TSR1: variants seen among roughly 807,000 people sequenced by gnomAD.
The protein encoded by TSR1 is pre-rRNA-processing protein TSR1 homolog.
A neutral mutation model predicts 90.9 loss-of-function variants in TSR1; 81 were observed. That is an observed-to-expected ratio of 0.89 (90% CI 0.74 to 1.07). The LOEUF (loss-of-function observed/expected upper bound fraction) is 1.07. Ranked by LOEUF, TSR1 falls within the 50% of genes least tolerant of loss-of-function variation. The pLI is 0.00. For synonymous variants in TSR1, 362 were observed against 348.8 expected (o/e 1.04, Z -0.42); for missense variants, 989 against 987.3 (o/e 1.00, Z -0.02).
rs754742448 is a variant in TSR1, at chr17:2,334,538, G to A, written c.915C>T (p.Pro305=). The change falls in exon 5 of 15, where the codon CCC becomes CCT. Residue 305 remains proline, a synonymous_variant. Coordinates refer to ENST00000301364, the MANE Select transcript of TSR1 (RefSeq NM_018128.5). ...TAGGATTTAAAGGGAAAGGGTCTCC[G>A]GGGGCATCTATCTGTTTCATCTGGA... ...GDFQMKQIDA[P]GDPFPLNPRG... 3.4e-5 allele frequency: 55 copies of A among 1,614,028 alleles called. No homozygotes were observed. The highest frequency in any genetic ancestry group is 3.3e-4 in the Middle Eastern group (2 of 6,062).
At position 2,324,822 on chromosome 17, in the gene TSR1, G is replaced by A. The variant is rs2075565470; in HGVS notation, c.2028C>T (p.His676=). ...LLFKQKSNGM[H]SLIATGHLMS... ...TAAGATGGCCTGTAGCAATGAGGCT[G>A]TGCATTCCTAAAGGACAAAAGCAAA... Residue 676 remains histidine, a synonymous_variant, in exon 13 of 15, where the codon CAC becomes CAT. Coordinates refer to ENST00000301364, the MANE Select transcript of TSR1 (RefSeq NM_018128.5). 1 of 1,610,194 alleles carries A rather than the reference G, an allele frequency of 6.2e-7. No individual in the cohort carries two copies. The highest frequency in any genetic ancestry group is 2.2e-5 in the East Asian group (1 of 44,872).
rs759302264 is a variant in TSR1 at position 2,324,736 on chromosome 17, T to C, written c.2114A>G (p.Lys705Arg). The stretch of plus-strand genomic sequence containing the variant: ...TACTACTGCCATCTTAGTAAAAATT[T>C]TGAAAGGATGACCACTCAGAACAAC... ...KRVVLSGHPFKIFTKMAVVRY... is the reference protein window; with the variant it reads ...KRVVLSGHPFRIFTKMAVVRY... Residue 705 changes from lysine (K) to arginine (R), a missense_variant, in exon 13 of 15, where the codon AAA becomes AGA. Physicochemically the swap from Lys to Arg is conservative, Grantham distance 26 (BLOSUM62 2). Transcript: ENST00000301364. 10 of 1,614,112 alleles carry C rather than the reference T, an allele frequency of 6.2e-6. No individual in the cohort carries two copies. The South Asian group carries it at 1.1e-4, about 18-fold the overall frequency.
At position 2,333,388 on chromosome 17, in the gene TSR1, G is replaced by A. The variant is rs1243869221; in HGVS notation, c.1141+169C>T. 3.2e-6 allele frequency: 3 copies of A among 931,460 alleles called. No homozygotes were observed. In the African/African-American group the frequency reaches 4.9e-5, roughly 15 times the overall value. The allele number at this position is 931,460 out of a possible 1,614,324, so 57.7% of individuals were successfully genotyped here. A position where few individuals can be genotyped will look rare whatever the true frequency, so the allele number is the denominator to read the frequency against. ...CAAGTAATTTTGAGAAATGGAACAA[G>A]ACTGTGTATAATGTTTGTTTATTGA... On this transcript the variant is annotated intron_variant, in intron 6 of 14. Coordinates refer to ENST00000301364, the MANE Select transcript of TSR1 (RefSeq NM_018128.5).
chr17:2,334,595 A>G lies in TSR1; in HGVS notation c.858T>C (p.Asn286=), dbSNP rs772552554. The G allele has an allele frequency of 1.2e-6, 2 of 1,614,138 alleles. No individual in the cohort carries two copies. The highest frequency in any genetic ancestry group is 3.3e-5 in the Admixed American group (2 of 60,022). The change falls in exon 5 of 15, where the codon AAT becomes AAC. Residue 286 remains asparagine (N), a synonymous_variant. Transcript: ENST00000301364. The part of the protein sequence containing the change: ...GYVRGQTLNV[N]RLLHIVGYGD... ...CATATCCAACGATATGCAGCAACCT[A>G]TTGACATTCAGAGTCTGCCCTCGAA...
chr17:2,332,302 GCA>G lies in TSR1; in HGVS notation c.1361_1362del (p.Val454AlafsTer2), dbSNP rs754056966. The G allele has an allele frequency of 1.1e-5, 18 of 1,613,194 alleles. No individual in the cohort carries two copies. The highest frequency in any genetic ancestry group is 2.2e-5 in the East Asian group (1 of 44,876). ...EYETMTIGES[V>X]HDDLYDKKVD... ...ACTTTCTTATCATACAGATCATCAT[GCA>G]CAGACTCCCCAATAGTCATAGTTTC... On this transcript the variant is annotated frameshift_variant, in exon 8 of 15. Coordinates refer to ENST00000301364, the MANE Select transcript of TSR1 (RefSeq NM_018128.5). LOFTEE classifies it high-confidence loss of function.
chr17:2,331,259 A>G lies in TSR1; in HGVS notation c.1497-150T>C, dbSNP rs1362751808. ...ACCCAACAGCTTAAACCAAGACGAC[A>G]CTCCGAACAGCTTATAACAAGTTCT... On this transcript the variant is annotated intron_variant, in intron 8 of 14. Transcript: ENST00000301364. 8.2e-6 allele frequency: 5 copies of G among 606,250 alleles called. No homozygotes were observed. The Admixed American group carries it at 1.8e-4, about 22-fold the overall frequency. 37.6% of individuals were successfully genotyped at this position (606,250 alleles called of 1,614,324 possible). A position where few individuals can be genotyped will look rare whatever the true frequency, so the allele number is the denominator to read the frequency against.
In TSR1 at chr17:2,323,286, T is replaced by TG. The variant is rs775126066; in HGVS notation, c.*909dup. Reference sequence around the variant, plus strand: ...CAAATCCAGCATTGGCTTGAACACCTGGCCTATTATCAGGGACCTTGTGGA... The same window carrying TG: ...CAAATCCAGCATTGGCTTGAACACCTGGGCCTATTATCAGGGACCTTGTGGA... On this transcript the variant is annotated 3_prime_UTR_variant, in exon 15 of 15. Coordinates refer to ENST00000301364, the MANE Select transcript of TSR1 (RefSeq NM_018128.5). 6.2e-7 allele frequency: 1 copy of TG among 1,614,152 alleles called. No individual in the cohort carries two copies. Among genetic ancestry groups the TG allele is most frequent in the South Asian group, 1.1e-5 (1 of 91,082 alleles).
chr17:2,332,401 CT>C, intron 7 of TSR1, 42 bp from the exon 8 acceptor site: 2 of 1,516,924 alleles, frequency 1.3e-6, no homozygotes, highest in Non-Finnish European at 1.8e-6. Flanking sequence ...AAATCCACAC[CT>C]GTCTCTACCC....
chr17:2,336,308 T>C (rs1194180657), intron 1 of TSR1, 23 bp downstream of exon 1: 1 of 1,614,082 alleles, frequency 6.2e-7, no homozygotes, highest in South Asian at 1.1e-5. Context: ...ATAGCCCTTA[T>C]TCCTTCTACG....
chr17:2,330,801 T>C lies in TSR1; in HGVS notation c.1659+146A>G, dbSNP rs571018960. 2.0e-4 allele frequency: 199 copies of C among 1,010,756 alleles called. 2 individuals are homozygous for C. The South Asian group carries it at 2.6e-3, about 13-fold the overall frequency. The allele number at this position is 1,010,756 out of a possible 1,614,324, so 62.6% of individuals were successfully genotyped here. Reference sequence around the variant, plus strand: ...TTTCATTTAACATAGCTGATACCTCTTTGTTCCCAGTATCATTCTAATCAA... The same window carrying C: ...TTTCATTTAACATAGCTGATACCTCCTTGTTCCCAGTATCATTCTAATCAA... On this transcript the variant is annotated intron_variant, in intron 9 of 14. Coordinates refer to ENST00000301364, the MANE Select transcript of TSR1 (RefSeq NM_018128.5).
chr17:2,336,022 TC>T lies in TSR1; in HGVS notation c.201+14del. On this transcript the variant is annotated intron_variant, in intron 2 of 14. Transcript: ENST00000301364. The stretch of plus-strand genomic sequence containing the variant: ...ACCAGAGAAGCCGCATTCTCCCAAA[TC>T]CCGCTCCTCTCACCGCCTCCTTCTT... 1 of 1,613,812 alleles carries T rather than the reference TC, an allele frequency of 6.2e-7. No homozygotes were observed. The highest frequency in any genetic ancestry group is 8.5e-7 in the Non-Finnish European group (1 of 1,179,754).
At chr17:2,335,151 G>T (rs2151442228) in intron 4 of TSR1, 109 bp downstream of exon 4, 1 of 1,272,864 alleles carries the variant, frequency 7.9e-7, no homozygotes, top group Non-Finnish European at 1.1e-6. Context: ...ATCCATATGT[G>T]TACATCCCAC....
chr17:2,331,394 G>T (rs1436923473), intron 8 of TSR1, among the ~76,000 whole-genome samples: 2 of 152,206 alleles, frequency 1.3e-5, no homozygotes, highest in Non-Finnish European at 2.9e-5. Flanking sequence ...ACAATCCCCA[G>T]TGTTGGAGGT....
At chr17:2,331,551 G>A (rs567176802) in intron 8 of TSR1, among the ~76,000 whole-genome samples, 2 of 152,182 alleles carry the variant, frequency 1.3e-5, no homozygotes, top group East Asian at 1.9e-4. Context: ...TGCGCTGGCC[G>A]TGTGACATGA....
rs1402038850 is a variant in TSR1, at chr17:2,329,624, G to C, written c.1771-149C>G. On this transcript the variant is annotated intron_variant, in intron 10 of 14. Coordinates refer to ENST00000301364, the MANE Select transcript of TSR1 (RefSeq NM_018128.5). ...GGTGGAGTGTAGATGCTGAAACACG[G>C]GTTCATCCTTTACCTCCACCAATGA... 3.1e-6 allele frequency: 3 copies of C among 979,554 alleles called. No individual in the cohort carries two copies. In the African/African-American group the frequency reaches 5.0e-5, roughly 16 times the overall value. 60.7% of individuals were successfully genotyped at this position (979,554 alleles called of 1,614,324 possible).
At position 2,333,036 on chromosome 17, in the gene TSR1, G is replaced by A. The variant is rs773007974; in HGVS notation, c.1230C>T (p.Ser410=). ...ATTCATCTCCTTCCCCACCACTTTG[G>A]CTGCCACCATCCAAAATCCATTCAG... The part of the protein sequence containing the change: ...YQAEWILDGG[S]QSGGEGDEYE... The change falls in exon 7 of 15, where the codon AGC becomes AGT. Residue 410 remains serine, a synonymous_variant. Transcript: ENST00000301364. 5.6e-6 allele frequency: 9 copies of A among 1,613,888 alleles called. No homozygotes were observed. The South Asian group carries it at 8.8e-5, about 16-fold the overall frequency.
intron 12 of TSR1, 34 bp downstream of exon 12, chr17:2,325,270 T>C: frequency 6.7e-7 from 1 of 1,503,624 alleles, no homozygotes; most frequent in South Asian, 1.2e-5. Flanking sequence ...ATTAAGGACC[T>C]GCAGGGTCTG....
At position 2,323,083 on chromosome 17, in the gene TSR1, T is replaced by A; in HGVS notation, c.*1113A>T. ...CCAGGCCCATATTTTCTTTTAGACA[T>A]GCAGGCAATGTTGTGGTTTGTTGTT... On this transcript the variant is annotated 3_prime_UTR_variant, in exon 15 of 15. Transcript: ENST00000301364. The A allele has an allele frequency of 6.4e-7, 1 of 1,574,230 alleles. No homozygotes were observed.
rs1201764204 is a variant in TSR1, at chr17:2,322,849, A to G, written c.*1347T>C. ...GTGTGATCTCAGCTCACTGCAACCT[A>G]CCCCTCCCAAGTTCAAGTGATTCTC... On this transcript the variant is annotated 3_prime_UTR_variant, in exon 15 of 15. Transcript: ENST00000301364. 3 of 375,788 alleles carry G rather than the reference A, an allele frequency of 8.0e-6. No individual in the cohort carries two copies. Among genetic ancestry groups the G allele is most frequent in the Non-Finnish European group, 1.5e-5 (3 of 198,976 alleles). The allele number at this position is 375,788 out of a possible 1,614,324, so 23.3% of individuals were successfully genotyped here.
Sources: gnomAD v4.1 joint callset for allele counts (sites outside exome capture counted in the v4.1 genomes callset) on GRCh38, gnomAD v4.1.1 for gene constraint, MANE v1.5 for transcripts, NCBI Gene and HGNC (gene_info 2026-07-23, HGNC 2026-07-21) for gene names.